ESRRG: variants seen among roughly 807,000 people sequenced by gnomAD.
The protein encoded by ESRRG is estrogen related receptor gamma, also known as estrogen-related receptor gamma.
Under a neutral mutation model 44.0 loss-of-function variants are expected in ESRRG, and 13 were observed. That is an observed-to-expected ratio of 0.30 (90% CI 0.19 to 0.47). The LOEUF is 0.47. ESRRG is among the 20% of genes least tolerant of loss of function. The pLI, the probability that ESRRG is intolerant of heterozygous loss-of-function variation, is 1.00. For synonymous variants in ESRRG, 215 were observed against 214.6 expected, an observed-to-expected ratio of 1.00 and a Z score of -0.02; for missense variants, 395 against 580.6, an observed-to-expected ratio of 0.68 and a Z score of 3.29.
At chr1:216,825,455 A>G (rs2095374646) in intron 2 of ESRRG, among the ~76,000 whole-genome samples, 1 of 152,224 alleles carries the variant, frequency 6.6e-6, no homozygotes. Flanking sequence ...TGCAAATGCA[A>G]TATATCATCG....
intron 1 of ESRRG, among the ~76,000 whole-genome samples, chr1:217,117,691 A>C (rs2092749908): frequency 6.6e-6 from 1 of 152,186 alleles, no homozygotes; most frequent in African/African-American, 2.4e-5. Context: ...TGATATTATT[A>C]TATATGTTAT....
intron 1 of ESRRG, among the ~76,000 whole-genome samples, chr1:217,032,722 T>G (rs1421381688): frequency 6.6e-6 from 1 of 152,208 alleles, no homozygotes; most frequent in African/African-American, 2.4e-5. Context: ...CATATCAGTT[T>G]CACAAACAAT....
At chr1:216,598,070 C>T (rs536346848) in intron 3 of ESRRG, among the ~76,000 whole-genome samples, 20 of 152,160 alleles carry the variant, frequency 1.3e-4, no homozygotes, top group South Asian at 4.2e-4. Flanking sequence ...CATTCACTGC[C>T]CTGAATACTT....
chr1:216,904,318 G>A (rs1468444653), intron 2 of ESRRG, among the ~76,000 whole-genome samples: 1 of 152,018 alleles, frequency 6.6e-6, no homozygotes, highest in Non-Finnish European at 1.5e-5. Context: ...AAATAACTCA[G>A]AGGGTTCTAC....
intron 1 of ESRRG, among the ~76,000 whole-genome samples, chr1:216,971,194 T>C (rs143540701): frequency 1.3e-5 from 2 of 152,290 alleles, no homozygotes; most frequent in East Asian, 3.9e-4. Context: ...CTTACAACAG[T>C]TTAAAGAGAT....
rs11572738 is a variant in ESRRG, at chr1:216,608,752, T to C, written c.590-40654A>G. On this transcript the variant is annotated intron_variant, in intron 3 of 6. Transcript: ENST00000408911. ...GATGGTTCTTGGGGATCTAAGCTCATTTAAAATAGGCAGAAATCACTAACC... is the reference window on the plus strand; with the variant it reads ...GATGGTTCTTGGGGATCTAAGCTCACTTAAAATAGGCAGAAATCACTAACC... 1.6e-3 allele frequency among the ~76,000 whole-genome samples: 245 copies of C among 152,300 alleles called. 9 individuals carry two copies. The East Asian group carries it at 0.045, about 28-fold the overall frequency.
chr1:216,748,237 C>T (rs186278010), intron 2 of ESRRG, among the ~76,000 whole-genome samples: 12 of 152,196 alleles, frequency 7.9e-5, no homozygotes, highest in African/African-American at 2.9e-4. Context: ...ACTAGTTAAT[C>T]CATGCTACCC....
intron 2 of ESRRG, among the ~76,000 whole-genome samples, chr1:216,778,863 GGAGAT>G (rs1478977435): frequency 1.3e-5 from 2 of 151,446 alleles, no homozygotes; most frequent in East Asian, 2.0e-4. Context: ...TAAACATACT[GGAGAT>G]GAGACAGAAA....
intron 1 of ESRRG, among the ~76,000 whole-genome samples, chr1:216,710,848 C>A (rs1253130871): frequency 6.6e-6 from 1 of 152,028 alleles, no homozygotes; most frequent in East Asian, 1.9e-4. Context: ...ATCTTAGTAC[C>A]AGCGATAAAT....
intron 2 of ESRRG, among the ~76,000 whole-genome samples, chr1:216,746,596 A>AG (rs2091428569): frequency 6.6e-6 from 1 of 152,178 alleles, no homozygotes; most frequent in African/African-American, 2.4e-5. Context: ...AAATGTAGGC[A>AG]GATGTATTCA....
chr1:217,019,138 T>A (rs1026484402), intron 1 of ESRRG, among the ~76,000 whole-genome samples: 1 of 152,220 alleles, frequency 6.6e-6, no homozygotes. Context: ...TAACTGTAGT[T>A]CTCATGGAAG....
intron 2 of ESRRG, among the ~76,000 whole-genome samples, chr1:216,661,182 G>A (rs1384709404): frequency 6.6e-6 from 1 of 152,146 alleles, no homozygotes; most frequent in Non-Finnish European, 1.5e-5. Flanking sequence ...TATCCTACAT[G>A]ATGTGTACAG....
At chr1:216,986,544 C>T (rs994992746) in intron 1 of ESRRG, among the ~76,000 whole-genome samples, 6 of 151,822 alleles carry the variant, frequency 4.0e-5, no homozygotes, top group East Asian at 1.9e-4. Flanking sequence ...AACCTCGTCT[C>T]TGTAAAATAA....
intron 1 of ESRRG, among the ~76,000 whole-genome samples, chr1:217,058,673 G>A (rs2087682465): frequency 6.6e-6 from 1 of 151,958 alleles, no homozygotes; most frequent in South Asian, 2.1e-4. Flanking sequence ...TTGTCCTCCT[G>A]AGATTACTGT....
intron 3 of ESRRG, among the ~76,000 whole-genome samples, chr1:216,620,503 C>A (rs1308622695): frequency 1.3e-5 from 2 of 152,072 alleles, no homozygotes; most frequent in Admixed American, 6.6e-5. Context: ...AAGGATATAC[C>A]ACTTAAGGAC....
chr1:216,881,515 G>A (rs921034132), intron 2 of ESRRG, among the ~76,000 whole-genome samples: 42 of 152,030 alleles, frequency 2.8e-4, no homozygotes, highest in African/African-American at 9.7e-4. Flanking sequence ...GGGGAGACAG[G>A]TCTGGTAGCT....
At chr1:216,984,501 A>C (rs1166783163) in intron 1 of ESRRG, among the ~76,000 whole-genome samples, 1 of 152,240 alleles carries the variant, frequency 6.6e-6, no homozygotes, top group African/African-American at 2.4e-5. Flanking sequence ...TTTGGGGACG[A>C]CACCTGATAA....
At chr1:216,700,825 A>G (rs890816815) in intron 1 of ESRRG, among the ~76,000 whole-genome samples, 2 of 152,174 alleles carry the variant, frequency 1.3e-5, no homozygotes, top group Non-Finnish European at 2.9e-5. Context: ...TTCTTACCCT[A>G]ACACTCTAGG....
chr1:216,714,278 T>C (rs537368341), intron 1 of ESRRG, among the ~76,000 whole-genome samples: 1 of 152,308 alleles, frequency 6.6e-6, no homozygotes, highest in South Asian at 2.1e-4. Context: ...TATGCAAATA[T>C]GGGTGAATAT....
Sources: gnomAD v4.1 joint callset for allele counts (sites outside exome capture counted in the v4.1 genomes callset) on GRCh38, gnomAD v4.1.1 for gene constraint, MANE v1.5 for transcripts, NCBI Gene and HGNC (gene_info 2026-07-23, HGNC 2026-07-21) for gene names.